Variants in SIL1 observed in about 807,000 individuals in gnomAD.
The protein encoded by SIL1 is SIL1 nucleotide exchange factor.
SIL1 carries 40 observed loss-of-function variants against 49.1 expected under a neutral mutation model. That is an observed-to-expected ratio of 0.81 (90% CI 0.63 to 1.06). The LOEUF (loss-of-function observed/expected upper bound fraction) is 1.06, where lower values mean the gene tolerates loss of function less well. Ranked by LOEUF, SIL1 falls within the 50% of genes least tolerant of loss-of-function variation. The probability of loss-of-function intolerance (pLI) is 0.00; values close to 1 mark genes in which losing one functional copy is unlikely to be tolerated. For missense variants in SIL1, 500 were observed against 572.6 expected (o/e 0.87, Z 1.29); for synonymous variants, 253 against 250.8 (o/e 1.01, Z -0.08).
At chr5:139,048,500 C>T (rs954460114) in intron 4 of SIL1, among the ~76,000 whole-genome samples, 4 of 150,790 alleles carry the variant, frequency 2.7e-5, no homozygotes, top group Non-Finnish European at 4.4e-5. Context: ...CTCAGCCCCA[C>T]GAGTAGCTGG....
intron 5 of SIL1, 62 bp from the exon 6 acceptor site, chr5:139,027,054 G>T: frequency 6.5e-7 from 1 of 1,528,370 alleles, no homozygotes. Context: ...GATGTCTGTG[G>T]TCTACCATGG....
intron 1 of SIL1, among the ~76,000 whole-genome samples, chr5:139,178,661 C>T (rs1249080252): frequency 6.6e-6 from 1 of 152,080 alleles, no homozygotes; most frequent in Non-Finnish European, 1.5e-5. Context: ...TCGAACATCA[C>T]TTCCTCAAAG....
At chr5:139,125,008 T>G (rs1750725768) in intron 2 of SIL1, among the ~76,000 whole-genome samples, 1 of 152,224 alleles carries the variant, frequency 6.6e-6, no homozygotes, top group Non-Finnish European at 1.5e-5. Flanking sequence ...GCTGAGGGAA[T>G]GACGCGGGAT....
chr5:139,186,830 T>C (rs999140934), intron 1 of SIL1, among the ~76,000 whole-genome samples: 5 of 152,168 alleles, frequency 3.3e-5, no homozygotes, highest in African/African-American at 7.2e-5. Context: ...GTCTGCCCTC[T>C]AGGAAGTTCT....
intron 7 of SIL1, among the ~76,000 whole-genome samples, chr5:138,981,213 CAAAAAAAAA>C (rs35272334): frequency 8.8e-6 from 1 of 113,544 alleles, no homozygotes; most frequent in African/African-American, 3.4e-5. Flanking sequence ...ACTCTGTCTC[CAAAAAAAAA>C]AAAAAAAAAA....
intron 1 of SIL1, among the ~76,000 whole-genome samples, chr5:139,129,167 T>TA (rs1277821139): frequency 6.6e-6 from 1 of 151,820 alleles, no homozygotes; most frequent in Non-Finnish European, 1.5e-5. Flanking sequence ...AGAAGAAAGT[T>TA]AGAGGACTCA....
intron 1 of SIL1, among the ~76,000 whole-genome samples, chr5:139,169,815 A>ACTCCCTCTCCCCTCTCCCCT (rs1751700533): frequency 8.4e-6 from 1 of 118,730 alleles, no homozygotes; most frequent in Non-Finnish European, 2.0e-5. Flanking sequence ...AAAAAGCTCT[A>ACTCCCTCTCCCCTCTCCCCT]CTCCCTCTCC....
chr5:138,970,693 T>C (rs1275615977), intron 7 of SIL1, among the ~76,000 whole-genome samples: 2 of 152,104 alleles, frequency 1.3e-5, no homozygotes, highest in Non-Finnish European at 2.9e-5. Context: ...CCAAGTGGTA[T>C]AGAATTCCAG....
At chr5:139,132,595 G>A (rs1421872127) in intron 1 of SIL1, among the ~76,000 whole-genome samples, 2 of 152,196 alleles carry the variant, frequency 1.3e-5, no homozygotes, top group Non-Finnish European at 2.9e-5. Flanking sequence ...GGACTGAGGA[G>A]AGACCTAGGT....
intron 3 of SIL1, among the ~76,000 whole-genome samples, chr5:139,097,960 G>C (rs1770506252): frequency 6.6e-6 from 1 of 152,102 alleles, no homozygotes; most frequent in Admixed American, 6.5e-5. Context: ...CCAAAAAATG[G>C]AAAGAGATTC....
chr5:138,973,090 T>C (rs1767316337), intron 7 of SIL1, among the ~76,000 whole-genome samples: 1 of 150,890 alleles, frequency 6.6e-6, no homozygotes, highest in Admixed American at 6.6e-5. Context: ...AACTGATGAG[T>C]CCACCCCCAA....
At chr5:139,170,811 C>T (rs1002296739) in intron 1 of SIL1, among the ~76,000 whole-genome samples, 13 of 150,462 alleles carry the variant, frequency 8.6e-5, no homozygotes, top group Admixed American at 5.3e-4. Context: ...CCGCCCCGTC[C>T]GGGAGGGAGG....
intron 3 of SIL1, among the ~76,000 whole-genome samples, chr5:139,112,153 G>A (rs1770865868): frequency 6.6e-6 from 1 of 152,240 alleles, no homozygotes; most frequent in African/African-American, 2.4e-5. Flanking sequence ...AGTGCTCAAT[G>A]TTGCCCAGGC....
chr5:139,198,186 G>A (rs1752317388), intron 1 of SIL1, 83 bp downstream of exon 1: 1 of 152,328 alleles, frequency 6.6e-6, no homozygotes, highest in African/African-American at 2.4e-5. Context: ...GGAAGGCGCC[G>A]AGGCCGCCGG....
Position 138,951,850 on chromosome 5 carries a change from C to T in SIL1, c.802G>A (p.Gly268Arg). 2.5e-6 allele frequency: 4 copies of T among 1,614,026 alleles called. No individual in the cohort carries two copies. The highest frequency in any genetic ancestry group is 3.4e-6 in the Non-Finnish European group (4 of 1,180,036). ...PKVQVEAIEG[G>R]ALQKLLVILA... Reference sequence around the variant, plus strand: ...ATGACCAGCAGCTTCTGCAGGGCTCCCCCTTCGATGGCCTCCACCTGGACC... The same window carrying T: ...ATGACCAGCAGCTTCTGCAGGGCTCTCCCTTCGATGGCCTCCACCTGGACC... Residue 268 changes from glycine (G) to arginine (R), a missense_variant, in exon 8 of 10, where the codon GGA (glycine) becomes AGA (arginine). Physicochemically the swap from Gly to Arg is moderately radical, Grantham distance 125. Transcript: ENST00000394817.
chr5:139,043,327 C>T (rs1174048702), intron 4 of SIL1, among the ~76,000 whole-genome samples: 2 of 152,210 alleles, frequency 1.3e-5, no homozygotes, highest in Admixed American at 1.3e-4. Flanking sequence ...CAGGGCAGGA[C>T]CTCTCAGAGG....
At chr5:139,063,231 T>G (rs1020111991) in intron 3 of SIL1, among the ~76,000 whole-genome samples, 1 of 152,242 alleles carries the variant, frequency 6.6e-6, no homozygotes, top group Non-Finnish European at 1.5e-5. Context: ...GTTGTGGCCC[T>G]GCCAGCCCTC....
At chr5:139,088,114 G>A (rs1770264158) in intron 3 of SIL1, among the ~76,000 whole-genome samples, 1 of 152,230 alleles carries the variant, frequency 6.6e-6, no homozygotes, top group Non-Finnish European at 1.5e-5. Context: ...TGCCACTGGA[G>A]CTCAGACTCC....
intron 3 of SIL1, among the ~76,000 whole-genome samples, chr5:139,108,780 C>CTAT (rs985703529): frequency 1.3e-5 from 2 of 152,118 alleles, no homozygotes; most frequent in African/African-American, 4.8e-5. Context: ...ACCTCTCCAT[C>CTAT]TATTCATCCC....
Sources: gnomAD v4.1 joint callset for allele counts (sites outside exome capture counted in the v4.1 genomes callset) on GRCh38, gnomAD v4.1.1 for gene constraint, MANE v1.5 for transcripts, NCBI Gene and HGNC (gene_info 2026-07-23, HGNC 2026-07-21) for gene names.